The following ZNF462 variants were observed in gnomAD, a reference collection of about 807,000 sequenced individuals.
ZNF462 encodes zinc finger protein 462, also known as zinc finger PBX1-interacting protein.
ZNF462 carries 10 observed loss-of-function variants against 201.9 expected under a neutral mutation model. The observed-to-expected ratio is 0.05, with a 90% CI of 0.03 to 0.08. The LOEUF is 0.08. Among genes scored for constraint, ZNF462 ranks in the 10% least tolerant of loss-of-function variants. The pLI is 1.00. For synonymous variants in ZNF462, 1,227 were observed against 1,193.3 expected (o/e 1.03, Z -0.58); for missense variants, 2,523 against 3,168.3 (o/e 0.80, Z 4.89).
At position 106,926,777 on chromosome 9, in the gene ZNF462, C is replaced by T. The variant is rs374899829; in HGVS notation, c.2865C>T (p.Asn955=). 3.1e-5 allele frequency: 50 copies of T among 1,614,096 alleles called. No individual in the cohort carries two copies. Among genetic ancestry groups the T allele is most frequent in the East Asian group, 2.7e-4 (12 of 44,880 alleles). The change falls in exon 3 of 13, where the codon AAC becomes AAT. Residue 955 remains asparagine, a synonymous_variant. Transcript: ENST00000277225. This position sits in a 1 kb window ranked among gnomAD's most constrained non-coding sequence, Gnocchi z 7.9. ...QRMHPTVKIN[N]AMIFSSYVVE... ...TGCATCCCACGGTGAAGATCAACAACGCGATGATATTTTCAAGCTATGTCG... is the reference window on the plus strand; with the variant it reads ...TGCATCCCACGGTGAAGATCAACAATGCGATGATATTTTCAAGCTATGTCG...
intron 1 of ZNF462, among the ~76,000 whole-genome samples, chr9:106,864,055 T>A (rs979310389): frequency 1.5e-5 from 1 of 67,500 alleles, no homozygotes; most frequent in Non-Finnish European, 3.1e-5. Context: ...TCTCTCTCTC[T>A]CTCTCTCTCT....
At chr9:106,871,256 C>T (rs1406040909) in intron 1 of ZNF462, among the ~76,000 whole-genome samples, 1 of 152,202 alleles carries the variant, frequency 6.6e-6, no homozygotes, top group Non-Finnish European at 1.5e-5. Context: ...CAGCTGCTAT[C>T]ATGGTAGGGA....
intron 7 of ZNF462, among the ~76,000 whole-genome samples, chr9:106,946,090 C>G (rs1831093729): frequency 6.6e-6 from 1 of 152,148 alleles, no homozygotes; most frequent in Non-Finnish European, 1.5e-5. Context: ...CTCCCTGTTC[C>G]CATGCCAACA....
chr9:106,984,865 T>C lies in ZNF462; in HGVS notation c.7056+456T>C, dbSNP rs1057018209. The stretch of plus-strand genomic sequence containing the variant: ...TATTTTAGCCTTTGCAGGCCTAAAA[T>C]GTAGTCTTTGTGGCAATTAAGAAAG... On this transcript the variant is annotated intron_variant, in intron 10 of 12. Coordinates refer to ENST00000277225, the MANE Select transcript of ZNF462 (RefSeq NM_021224.6). The surrounding 1 kb of genome is among the most constrained non-coding windows in gnomAD (Gnocchi z 6.4). Among the ~76,000 whole-genome samples the C allele has an allele frequency of 6.6e-6, 1 of 152,218 alleles. No individual in the cohort carries two copies. The highest frequency in any genetic ancestry group is 2.4e-5 in the African/African-American group (1 of 41,460).
chr9:106,865,321 G>A lies in ZNF462; in HGVS notation c.-31+1966G>A, dbSNP rs1018807432. ...TTCACACAACTTTAAGCTGCTCCAGGTCTCCTGAAAGTCACCAGGAAATGT... is the reference window on the plus strand; with the variant it reads ...TTCACACAACTTTAAGCTGCTCCAGATCTCCTGAAAGTCACCAGGAAATGT... On this transcript the variant is annotated intron_variant, in intron 1 of 12. Coordinates refer to ENST00000277225, the MANE Select transcript of ZNF462 (RefSeq NM_021224.6). The surrounding 1 kb of genome is among the most constrained non-coding windows in gnomAD (Gnocchi z 4.1). 3.9e-5 allele frequency among the ~76,000 whole-genome samples: 6 copies of A among 152,068 alleles called. No individual in the cohort carries two copies. The highest frequency in any genetic ancestry group is 8.8e-5 in the Non-Finnish European group (6 of 68,032).
rs929179637 is a variant in ZNF462, at chr9:106,913,535, A to G, written c.-30-9819A>G. Among the ~76,000 whole-genome samples, 3 of 152,124 alleles carry G rather than the reference A, an allele frequency of 2.0e-5. No individual in the cohort carries two copies. Among genetic ancestry groups the G allele is most frequent in the Non-Finnish European group, 4.4e-5 (3 of 68,018 alleles). ...ACTTTGAAAGAAGATGATTTTACACATTGGAGAGGAGAACATATGCATTGT... is the reference window on the plus strand; with the variant it reads ...ACTTTGAAAGAAGATGATTTTACACGTTGGAGAGGAGAACATATGCATTGT... On this transcript the variant is annotated intron_variant, in intron 1 of 12. Coordinates refer to ENST00000277225, the MANE Select transcript of ZNF462 (RefSeq NM_021224.6). This position sits in a 1 kb window ranked among gnomAD's most constrained non-coding sequence, Gnocchi z 4.1.
chr9:106,916,878 T>A (rs1829795329), intron 1 of ZNF462, among the ~76,000 whole-genome samples: 1 of 152,202 alleles, frequency 6.6e-6, no homozygotes, highest in Non-Finnish European at 1.5e-5. Flanking sequence ...GAATTAGAAT[T>A]ATCCAGTGAA....
Position 106,924,324 on chromosome 9 carries a change from A to G in ZNF462, c.412A>G (p.Ser138Gly). The stretch of plus-strand genomic sequence containing the variant: ...GGTCCATGGAGCTCAAGCTGAAGGG[A>G]GTTCATCAGGACCCCCTGTCCCGGG... ...RKVHGAQAEGSSSGPPVPGSL... is the reference protein window; with the variant it reads ...RKVHGAQAEGGSSGPPVPGSL... Residue 138 changes from serine (S) to glycine (G), a missense_variant, in exon 3 of 13, where the codon AGT (serine) becomes GGT (glycine). Physicochemically the swap from Ser to Gly is moderately conservative, Grantham distance 56. Around this residue, in one of 15 missense-constraint regions of ZNF462, gnomAD observed 480 missense variants for 544.4 expected, o/e 0.88. Coordinates refer to ENST00000277225, the MANE Select transcript of ZNF462 (RefSeq NM_021224.6). The surrounding 1 kb of genome is among the most constrained non-coding windows in gnomAD (Gnocchi z 6.2). 6.2e-7 allele frequency: 1 copy of G among 1,614,162 alleles called. No homozygotes were observed. Among genetic ancestry groups the G allele is most frequent in the South Asian group, 1.1e-5 (1 of 91,070 alleles).
In ZNF462 at chr9:106,930,849, G is replaced by A; in HGVS notation, c.6012+160G>A. 2 of 838,662 alleles carry A rather than the reference G, an allele frequency of 2.4e-6. 1 individual carries two copies. The highest frequency in any genetic ancestry group is 3.7e-5 in the South Asian group (2 of 54,598). 52.0% of individuals were successfully genotyped at this position (838,662 alleles called of 1,614,324 possible). On this transcript the variant is annotated intron_variant, in intron 4 of 12. Transcript: ENST00000277225. The surrounding 1 kb of genome is among the most constrained non-coding windows in gnomAD (Gnocchi z 5.8). ...CTTGTTTTGATTTCTTTGCAGGTTG[G>A]ACCTTCCTCATCTTTCTGTTCAGGG...
chr9:106,895,239 A>G lies in ZNF462; in HGVS notation c.-30-28115A>G, dbSNP rs1425825508. Among the ~76,000 whole-genome samples the G allele has an allele frequency of 6.6e-6, 1 of 152,214 alleles. No individual in the cohort carries two copies. Among genetic ancestry groups the G allele is most frequent in the Non-Finnish European group, 1.5e-5 (1 of 68,038 alleles). On this transcript the variant is annotated intron_variant, in intron 1 of 12. Transcript: ENST00000277225. This position sits in a 1 kb window ranked among gnomAD's most constrained non-coding sequence, Gnocchi z 4.4. ...CTGTTCTTGACATATGTTAGAAAAA[A>G]TTGAGCTTAGACCACAGCTCATTAG... is the stretch of plus-strand genomic sequence containing the variant.
chr9:106,968,347 C>T lies in ZNF462; in HGVS notation c.6428-3658C>T, dbSNP rs1054363767. ...CCTATAGGCACTGTGACCATCATTG[C>T]TAAAATTCTAATTTGATCCTGATTT... On this transcript the variant is annotated intron_variant, in intron 7 of 12. Transcript: ENST00000277225. This position sits in a 1 kb window ranked among gnomAD's most constrained non-coding sequence, Gnocchi z 4.0. Among the ~76,000 whole-genome samples, 3 of 152,144 alleles carry T rather than the reference C, an allele frequency of 2.0e-5. No individual in the cohort carries two copies. The highest frequency in any genetic ancestry group is 4.8e-5 in the African/African-American group (2 of 41,432).
intron 10 of ZNF462, among the ~76,000 whole-genome samples, chr9:106,995,860 C>T (rs145210700): frequency 0.016 from 2,431 of 152,238 alleles, 33 homozygotes; most frequent in Non-Finnish European, 0.027. Context: ...TACATGTGCA[C>T]AACGTGCAGG....
intron 1 of ZNF462, among the ~76,000 whole-genome samples, chr9:106,878,535 T>C (rs1442188899): frequency 6.6e-6 from 1 of 152,178 alleles, no homozygotes; most frequent in East Asian, 1.9e-4. Flanking sequence ...TCCTTTTGAG[T>C]GAGTACTAAG....
In ZNF462 at chr9:106,935,578, C is replaced by G. The variant is rs774648205; in HGVS notation, c.6192C>G (p.Ser2064=). ...FRCKLCSFKS[S]YNSRLKTHIL... Reference sequence around the variant, plus strand: ...GCAAACTCTGCTCCTTCAAGTCCTCCTATAACAGCCGGCTGAAAACACATA... The same window carrying G: ...GCAAACTCTGCTCCTTCAAGTCCTCGTATAACAGCCGGCTGAAAACACATA... Residue 2064 remains serine, a synonymous_variant, in exon 6 of 13, where the codon TCC becomes TCG. Coordinates refer to ENST00000277225, the MANE Select transcript of ZNF462 (RefSeq NM_021224.6). The surrounding 1 kb of genome is among the most constrained non-coding windows in gnomAD (Gnocchi z 4.1). 3 of 1,614,078 alleles carry G rather than the reference C, an allele frequency of 1.9e-6. No homozygotes were observed. In the South Asian group the frequency reaches 3.3e-5, roughly 18 times the overall value.
At chr9:106,898,801 T>C (rs1050011776) in intron 1 of ZNF462, among the ~76,000 whole-genome samples, 2 of 152,148 alleles carry the variant, frequency 1.3e-5, no homozygotes, top group Non-Finnish European at 2.9e-5. Context: ...TATCCTATTA[T>C]TGCTCCTAAG....
chr9:106,901,483 T>A (rs1829062908), intron 1 of ZNF462, among the ~76,000 whole-genome samples: 1 of 152,194 alleles, frequency 6.6e-6, no homozygotes, highest in Non-Finnish European at 1.5e-5. Context: ...GGAGATTGCA[T>A]TGAATTTGTA....
At position 106,930,338 on chromosome 9, in the gene ZNF462, CTT is replaced by C. The variant is rs1389865937; in HGVS notation, c.5848-185_5848-184del. Among the ~76,000 whole-genome samples, 2 of 152,168 alleles carry C rather than the reference CTT, an allele frequency of 1.3e-5. No individual in the cohort carries two copies. The highest frequency in any genetic ancestry group is 2.9e-5 in the Non-Finnish European group (2 of 68,036). ...CCGTAATGTATTTGGGTTTCAAAGA[CTT>C]TGCATAGTAGGCAGCGTGCCATGAT... is the stretch of plus-strand genomic sequence containing the variant. On this transcript the variant is annotated intron_variant, in intron 3 of 12. Coordinates refer to ENST00000277225, the MANE Select transcript of ZNF462 (RefSeq NM_021224.6). The surrounding 1 kb of genome is among the most constrained non-coding windows in gnomAD (Gnocchi z 5.8).
In ZNF462 at chr9:106,924,868, A is replaced by G; in HGVS notation, c.956A>G (p.Asn319Ser). Residue 319 changes from asparagine (N) to serine (S), a missense_variant, in exon 3 of 13, where the codon AAC (asparagine) becomes AGC (serine). This residue lies in a region of ZNF462 where 480 missense variants were observed against 544.4 expected (regional missense o/e 0.88). Coordinates refer to ENST00000277225, the MANE Select transcript of ZNF462 (RefSeq NM_021224.6). This position sits in a 1 kb window ranked among gnomAD's most constrained non-coding sequence, Gnocchi z 6.2. Reference sequence around the variant, plus strand: ...GAGATACCCAATACTACCGTCTCCAACTTCAGGGGCTCCATGGGCAACTCC... The same window carrying G: ...GAGATACCCAATACTACCGTCTCCAGCTTCAGGGGCTCCATGGGCAACTCC... The part of the protein sequence containing the change: ...SREIPNTTVS[N>S]FRGSMGNSIM... 6.2e-7 allele frequency: 1 copy of G among 1,614,168 alleles called. No individual in the cohort carries two copies. Among genetic ancestry groups the G allele is most frequent in the Non-Finnish European group, 8.5e-7 (1 of 1,180,020 alleles).
chr9:106,955,797 A>T (rs1831547954), intron 7 of ZNF462, among the ~76,000 whole-genome samples: 1 of 152,102 alleles, frequency 6.6e-6, no homozygotes, highest in African/African-American at 2.4e-5. Context: ...ACCTCAAGAA[A>T]CCACTTTCTT....
Sources: allele counts gnomAD v4.1 joint callset (sites outside exome capture counted in the v4.1 genomes callset), GRCh38; gene constraint gnomAD v4.1.1; regional missense constraint gnomAD v4.1.1; non-coding constraint Gnocchi (gnomAD v3.1); transcripts MANE v1.5; gene names NCBI Gene and HGNC (gene_info 2026-07-23, HGNC 2026-07-21).